MAGI1: variants seen among roughly 807,000 people sequenced by gnomAD.
MAGI1 encodes membrane-associated guanylate kinase, WW and PDZ domain-containing protein 1.
Under a neutral mutation model 139.9 loss-of-function variants are expected in MAGI1, and 58 were observed. The observed-to-expected ratio is 0.41, with a 90% CI of 0.34 to 0.52. MAGI1 has a LOEUF of 0.52. Ranked by LOEUF, MAGI1 falls within the 20% of genes least tolerant of loss-of-function variation. The probability of loss-of-function intolerance (pLI) is 0.12; values close to 1 mark genes in which losing one functional copy is unlikely to be tolerated. For synonymous variants in MAGI1, 812 were observed against 737.9 expected (o/e 1.10, Z -1.63); for missense variants, 1,874 against 1,901.6 (o/e 0.99, Z 0.27).
intron 10 of MAGI1, among the ~76,000 whole-genome samples, chr3:65,431,666 C>T (rs752335940): frequency 3.4e-4 from 52 of 152,072 alleles, no homozygotes; most frequent in Non-Finnish European, 5.0e-4. Context: ...AGTAGCCACA[C>T]AGCTCCAAAT....
At chr3:65,592,102 C>T (rs1016797486) in intron 2 of MAGI1, among the ~76,000 whole-genome samples, 1 of 152,138 alleles carries the variant, frequency 6.6e-6, no homozygotes, top group African/African-American at 2.4e-5. Flanking sequence ...ATCATATATA[C>T]CAGGCAGGCA....
chr3:65,505,718 T>G (rs1228442494), intron 2 of MAGI1, among the ~76,000 whole-genome samples: 3 of 151,302 alleles, frequency 2.0e-5, no homozygotes, highest in African/African-American at 7.3e-5. Context: ...TAATGAACAT[T>G]ATTTAAAATT....
In MAGI1 at chr3:65,855,262, A is replaced by G. The variant is rs115994018; in HGVS notation, c.313+182734T>C. Among the ~76,000 whole-genome samples, 365 of 151,884 alleles carry G rather than the reference A, an allele frequency of 2.4e-3. 3 individuals carry two copies. Among genetic ancestry groups the G allele is most frequent in the African/African-American group, 8.1e-3 (336 of 41,444 alleles). Reference sequence around the variant, plus strand: ...GAAATGTTTGCTTTGAGATCCGCAGAAAGAGATAAACAGTACCAAAGAAAT... The same window carrying G: ...GAAATGTTTGCTTTGAGATCCGCAGGAAGAGATAAACAGTACCAAAGAAAT... On this transcript the variant is annotated intron_variant, in intron 1 of 22. Coordinates refer to ENST00000402939, the MANE Select transcript of MAGI1 (RefSeq NM_001033057.2).
intron 1 of MAGI1, among the ~76,000 whole-genome samples, chr3:65,623,746 A>T (rs2083813261): frequency 6.6e-6 from 1 of 152,158 alleles, no homozygotes; most frequent in Admixed American, 6.5e-5. Flanking sequence ...CTTTAATATC[A>T]CATTCAATAT....
At chr3:65,786,248 TA>T (rs1437222878) in intron 1 of MAGI1, among the ~76,000 whole-genome samples, 22 of 102,110 alleles carry the variant, frequency 2.2e-4, no homozygotes, top group African/African-American at 7.5e-4. Flanking sequence ...CAGCCAATCA[TA>T]ACTTTTTTTT....
intron 2 of MAGI1, among the ~76,000 whole-genome samples, chr3:65,523,956 T>A (rs747129652): frequency 2.6e-5 from 4 of 151,894 alleles, no homozygotes; most frequent in East Asian, 1.9e-4. Context: ...AAAGATCACA[T>A]GAAACACAGA....
intron 1 of MAGI1, among the ~76,000 whole-genome samples, chr3:65,639,030 T>C (rs2084821489): frequency 6.6e-6 from 1 of 152,222 alleles, no homozygotes; most frequent in South Asian, 2.1e-4. Flanking sequence ...TTTACAGGCA[T>C]GAGCCACTGC....
intron 1 of MAGI1, among the ~76,000 whole-genome samples, chr3:65,648,962 C>G (rs965660398): frequency 6.6e-6 from 1 of 152,084 alleles, no homozygotes; most frequent in East Asian, 1.9e-4. Flanking sequence ...GAAAGGACAC[C>G]CTTTTCAACA....
At chr3:65,384,494 C>T (rs1264304230) in intron 14 of MAGI1, among the ~76,000 whole-genome samples, 1 of 152,172 alleles carries the variant, frequency 6.6e-6, no homozygotes, top group African/African-American at 2.4e-5. Context: ...ACTCCCAGCA[C>T]TTTGGGAGGC....
intron 7 of MAGI1, among the ~76,000 whole-genome samples, chr3:65,446,392 C>T (rs1311396222): frequency 6.6e-6 from 1 of 152,194 alleles, no homozygotes. Context: ...ACAGTTTGAT[C>T]TGAACCCAGA....
In MAGI1 at chr3:65,750,452, G is replaced by T. The variant is rs143987504; in HGVS notation, c.314-128364C>A. Among the ~76,000 whole-genome samples the T allele has an allele frequency of 2.0e-5, 3 of 152,272 alleles. No individual in the cohort carries two copies. In the East Asian group the frequency reaches 5.8e-4, roughly 29 times the overall value. On this transcript the variant is annotated intron_variant, in intron 1 of 22. Transcript: ENST00000402939. Reference sequence around the variant, plus strand: ...ACAAGCTAGATGAACTGTAGAATGAGTTCACAAAGTTTACAAAATACCTAA... The same window carrying T: ...ACAAGCTAGATGAACTGTAGAATGATTTCACAAAGTTTACAAAATACCTAA...
chr3:65,781,429 A>AT (rs960826625), intron 1 of MAGI1, among the ~76,000 whole-genome samples: 48 of 151,618 alleles, frequency 3.2e-4, no homozygotes, highest in African/African-American at 8.0e-4. Flanking sequence ...AAATGGATAG[A>AT]TTTTTTTTTA....
At chr3:65,812,733 A>G (rs1264160931) in intron 1 of MAGI1, among the ~76,000 whole-genome samples, 1 of 86,202 alleles carries the variant, frequency 1.2e-5, no homozygotes, top group African/African-American at 4.9e-5. Context: ...TTTTTGAGAC[A>G]GAGTTTTGCT....
chr3:66,037,773 C>T (rs2069019089), intron 1 of MAGI1, among the ~76,000 whole-genome samples: 1 of 152,172 alleles, frequency 6.6e-6, no homozygotes, highest in Admixed American at 6.5e-5. Context: ...GAAACGTCCC[C>T]CCGCTACCTT....
intron 2 of MAGI1, among the ~76,000 whole-genome samples, chr3:65,564,517 T>C (rs1456156309): frequency 6.6e-6 from 1 of 152,170 alleles, no homozygotes; most frequent in Admixed American, 6.5e-5. Flanking sequence ...GCAGAAATCT[T>C]GAAATAACTA....
At chr3:66,031,343 C>T (rs543708252) in intron 1 of MAGI1, among the ~76,000 whole-genome samples, 7 of 152,218 alleles carry the variant, frequency 4.6e-5, no homozygotes, top group Admixed American at 6.5e-5. Flanking sequence ...CATGTAAACC[C>T]TTGTGGTAAG....
intron 2 of MAGI1, among the ~76,000 whole-genome samples, chr3:65,605,279 G>C (rs1201713716): frequency 6.6e-6 from 1 of 152,118 alleles, no homozygotes; most frequent in African/African-American, 2.4e-5. Flanking sequence ...GACTCTTGCT[G>C]GCTTCAGAAC....
chr3:65,525,469 A>G (rs1262973861), intron 2 of MAGI1, among the ~76,000 whole-genome samples: 1 of 152,208 alleles, frequency 6.6e-6, no homozygotes, highest in African/African-American at 2.4e-5. Flanking sequence ...TGCTACCCAA[A>G]GATTTCATCC....
At chr3:65,762,751 C>A (rs1436102203) in intron 1 of MAGI1, among the ~76,000 whole-genome samples, 1 of 152,100 alleles carries the variant, frequency 6.6e-6, no homozygotes, top group Non-Finnish European at 1.5e-5. Flanking sequence ...ATAGGTATTA[C>A]TGTTTTTCCT....
Sources: gnomAD v4.1 joint callset for allele counts (sites outside exome capture counted in the v4.1 genomes callset) on GRCh38, gnomAD v4.1.1 for gene constraint, MANE v1.5 for transcripts, NCBI Gene and HGNC (gene_info 2026-07-23, HGNC 2026-07-21) for gene names.